SETBP1: variants seen among roughly 807,000 people sequenced by gnomAD.
SETBP1 encodes the protein SET binding protein 1.
Under a neutral mutation model 101.0 loss-of-function variants are expected in SETBP1, and 9 were observed. That is an observed-to-expected ratio of 0.09 (90% CI 0.05 to 0.16). The LOEUF (loss-of-function observed/expected upper bound fraction) is 0.16, where lower values mean the gene tolerates loss of function less well. Ranked by LOEUF, SETBP1 falls within the 10% of genes least tolerant of loss-of-function variation. The pLI is 1.00. For missense variants in SETBP1, 1,858 were observed against 2,033.8 expected (o/e 0.91, Z 1.66); for synonymous variants, 818 against 788.5 (o/e 1.04, Z -0.63).
chr18:44,756,567 C>T (rs1403719183), intron 2 of SETBP1, among the ~76,000 whole-genome samples: 1 of 152,210 alleles, frequency 6.6e-6, no homozygotes, highest in African/African-American at 2.4e-5. Flanking sequence ...CCTTCTGCTG[C>T]AATGACCACC....
intron 2 of SETBP1, among the ~76,000 whole-genome samples, chr18:44,854,522 C>T (rs2072934293): frequency 6.6e-6 from 1 of 150,590 alleles, no homozygotes; most frequent in Non-Finnish European, 1.5e-5. Flanking sequence ...ATTGAGGCTC[C>T]CAGCACTGAG....
At chr18:45,015,028 C>G (rs1438672267) in intron 4 of SETBP1, among the ~76,000 whole-genome samples, 2 of 152,110 alleles carry the variant, frequency 1.3e-5, no homozygotes, top group African/African-American at 4.8e-5. Flanking sequence ...GCCTCCACAT[C>G]AGGGGATTCC....
chr18:44,996,416 G>T (rs2072499739), intron 4 of SETBP1, among the ~76,000 whole-genome samples: 1 of 152,194 alleles, frequency 6.6e-6, no homozygotes, highest in South Asian at 2.1e-4. Context: ...TTCTCTCCTT[G>T]CCTCCATTCA....
chr18:44,882,491 C>T (rs1416923037), intron 3 of SETBP1, among the ~76,000 whole-genome samples: 1 of 151,784 alleles, frequency 6.6e-6, no homozygotes, highest in Non-Finnish European at 1.5e-5. Context: ...GTGTGACAAG[C>T]AACCTTTGTG....
At chr18:44,742,477 A>C (rs72907638) in intron 2 of SETBP1, among the ~76,000 whole-genome samples, 4,721 of 152,332 alleles carry the variant, frequency 0.031, 81 homozygotes, top group Middle Eastern at 0.088. Flanking sequence ...TGCGGAGCAC[A>C]AAAGTATAGC....
chr18:44,820,292 T>C (rs532173647), intron 2 of SETBP1, among the ~76,000 whole-genome samples: 1 of 152,346 alleles, frequency 6.6e-6, no homozygotes, highest in South Asian at 2.1e-4. Flanking sequence ...CACCAGTTGG[T>C]TGGCAGGTGT....
intron 1 of SETBP1, among the ~76,000 whole-genome samples, chr18:44,695,858 C>T (rs1477119651): frequency 1.3e-5 from 2 of 149,744 alleles, no homozygotes; most frequent in Admixed American, 1.3e-4. Context: ...TGGGAAACCA[C>T]CTTTTTTTTT....
intron 4 of SETBP1, among the ~76,000 whole-genome samples, chr18:45,004,891 T>A (rs2072692679): frequency 6.6e-6 from 1 of 152,204 alleles, no homozygotes; most frequent in African/African-American, 2.4e-5. Context: ...ACATCATTAA[T>A]TGACATTGGG....
At chr18:45,041,610 G>A (rs1388397961) in intron 5 of SETBP1, among the ~76,000 whole-genome samples, 2 of 152,110 alleles carry the variant, frequency 1.3e-5, no homozygotes, top group Non-Finnish European at 2.9e-5. Context: ...TTAAGCAATC[G>A]TGTATTGAGA....
Position 44,953,030 on chromosome 18 carries a change from CCTGTCTACA to C in SETBP1, c.3696_3704del (p.Thr1233_Ser1235del). 1 of 1,614,048 alleles carries C rather than the reference CCTGTCTACA, an allele frequency of 6.2e-7. No homozygotes were observed. Among genetic ancestry groups the C allele is most frequent in the Non-Finnish European group, 8.5e-7 (1 of 1,179,998 alleles). On this transcript the variant is annotated inframe_deletion, in exon 4 of 6. Coordinates refer to ENST00000649279, the MANE Select transcript of SETBP1 (RefSeq NM_015559.3). ...CTAAGAACAACTTTGAGGTGGACAC[CCTGTCTACA>C]CTGTCACTTTCCGACGCCCAGCATT...
At chr18:44,991,244 C>CAAAAAAAAAAAAAAAAA (rs55811938) in intron 4 of SETBP1, among the ~76,000 whole-genome samples, 6 of 68,206 alleles carry the variant, frequency 8.8e-5, no homozygotes, top group Admixed American at 1.7e-4. Context: ...CTGCATCTCA[C>CAAAAAAAAAAAAAAAAA]AAAAAAAAAA....
At chr18:44,759,579 G>T (rs1236321031) in intron 2 of SETBP1, among the ~76,000 whole-genome samples, 1 of 152,140 alleles carries the variant, frequency 6.6e-6, no homozygotes, top group Non-Finnish European at 1.5e-5. Flanking sequence ...CAGAGTTTCA[G>T]TTCCCCAAAC....
chr18:44,694,963 A>G (rs1484575198), intron 1 of SETBP1, among the ~76,000 whole-genome samples: 1 of 152,174 alleles, frequency 6.6e-6, no homozygotes, highest in Non-Finnish European at 1.5e-5. Flanking sequence ...AGACATCAGA[A>G]TCAGCTGAAA....
chr18:45,061,012 A>G (rs2073883037), intron 5 of SETBP1, among the ~76,000 whole-genome samples: 1 of 152,264 alleles, frequency 6.6e-6, no homozygotes. Flanking sequence ...TATATCACAT[A>G]GCATTTGCTT....
intron 2 of SETBP1, among the ~76,000 whole-genome samples, chr18:44,769,698 C>T (rs1297327875): frequency 6.6e-6 from 1 of 152,046 alleles, no homozygotes; most frequent in East Asian, 1.9e-4. Context: ...CAAATACAAA[C>T]AAAAAAGGAA....
At chr18:44,973,325 C>T (rs938483832) in intron 4 of SETBP1, among the ~76,000 whole-genome samples, 1 of 152,108 alleles carries the variant, frequency 6.6e-6, no homozygotes, top group Non-Finnish European at 1.5e-5. Flanking sequence ...CAGGGATATT[C>T]ATCTAAAATT....
At chr18:44,974,617 G>A (rs17794590) in intron 4 of SETBP1, among the ~76,000 whole-genome samples, 5,783 of 152,236 alleles carry the variant, frequency 0.038, 168 homozygotes, top group Middle Eastern at 0.065. Flanking sequence ...ACAGGTGGGT[G>A]ACTAGATTTA....
chr18:44,909,572 C>T (rs1262156951), intron 3 of SETBP1, among the ~76,000 whole-genome samples: 1 of 152,198 alleles, frequency 6.6e-6, no homozygotes, highest in African/African-American at 2.4e-5. Context: ...AATCAAACCA[C>T]AGCTTTTTCT....
chr18:44,853,611 G>A lies in SETBP1; in HGVS notation c.487-15619G>A, dbSNP rs1165356776. Among the ~76,000 whole-genome samples the A allele has an allele frequency of 4.6e-5, 7 of 152,324 alleles. No homozygotes were observed. In the East Asian group the frequency reaches 7.7e-4, roughly 17 times the overall value. ...GAGTATGATTGGCTACTAAGCATGT[G>A]TTACTTTGCAGAACACACTGCCCCA... On this transcript the variant is annotated intron_variant, in intron 2 of 5. Coordinates refer to ENST00000649279, the MANE Select transcript of SETBP1 (RefSeq NM_015559.3).
Sources: gnomAD v4.1 joint callset for allele counts (sites outside exome capture counted in the v4.1 genomes callset) on GRCh38, gnomAD v4.1.1 for gene constraint, MANE v1.5 for transcripts, NCBI Gene and HGNC (gene_info 2026-07-23, HGNC 2026-07-21) for gene names.